Variants in PARN observed in about 807,000 individuals in gnomAD.
PARN encodes poly(A)-specific ribonuclease PARN.
Under a neutral mutation model 102.8 loss-of-function variants are expected in PARN, and 71 were observed. The observed-to-expected ratio is 0.69, with a 90% CI of 0.57 to 0.84. The LOEUF (loss-of-function observed/expected upper bound fraction) is 0.84, where lower values mean the gene tolerates loss of function less well. Ranked by LOEUF, PARN falls within the 40% of genes least tolerant of loss-of-function variation. PARN has a pLI of 0.00. For missense variants in PARN, 782 were observed against 760.9 expected, an observed-to-expected ratio of 1.03 and a Z score of -0.33; for synonymous variants, 261 against 252.9, an observed-to-expected ratio of 1.03 and a Z score of -0.30.
chr16:14,516,825 G>T (rs1465334476), intron 21 of PARN, among the ~76,000 whole-genome samples: 1 of 152,194 alleles, frequency 6.6e-6, no homozygotes, highest in Non-Finnish European at 1.5e-5. Context: ...ATGGTTATAA[G>T]CGTTAGCATA....
chr16:14,443,580 C>T (rs369075390), intron 23 of PARN, among the ~76,000 whole-genome samples: 2 of 152,176 alleles, frequency 1.3e-5, no homozygotes, highest in Non-Finnish European at 2.9e-5. Flanking sequence ...CTCAGGTGAT[C>T]TGCCCACCTC....
At chr16:14,571,454 A>G (rs1968806496) in intron 18 of PARN, among the ~76,000 whole-genome samples, 1 of 152,182 alleles carries the variant, frequency 6.6e-6, no homozygotes, top group African/African-American at 2.4e-5. Context: ...AAACAGTAAC[A>G]TATTCAATCT....
intron 5 of PARN, among the ~76,000 whole-genome samples, chr16:14,623,635 G>C (rs1972458592): frequency 6.6e-6 from 1 of 152,022 alleles, no homozygotes; most frequent in Non-Finnish European, 1.5e-5. Context: ...TCAGGAGTTT[G>C]AGACCAGCCT....
chr16:14,616,427 A>G (rs1402784338), intron 6 of PARN, among the ~76,000 whole-genome samples: 1 of 152,220 alleles, frequency 6.6e-6, no homozygotes, highest in Non-Finnish European at 1.5e-5. Context: ...ATAAGAAACT[A>G]AGAAACTGTC....
chr16:14,545,328 C>T (rs1000260522), intron 21 of PARN, among the ~76,000 whole-genome samples: 3 of 152,198 alleles, frequency 2.0e-5, no homozygotes, highest in East Asian at 3.9e-4. Flanking sequence ...GGACTGAAAT[C>T]CTATTGAAAT....
chr16:14,565,864 C>T (rs1968397375), intron 18 of PARN, among the ~76,000 whole-genome samples: 1 of 152,148 alleles, frequency 6.6e-6, no homozygotes, highest in Admixed American at 6.5e-5. Flanking sequence ...TGAGGGCTGC[C>T]TTTAGAAAAA....
In PARN at chr16:14,584,768, G is replaced by A; in HGVS notation, c.986C>T (p.Ala329Val). The A allele has an allele frequency of 6.4e-7, 1 of 1,568,394 alleles. No individual in the cohort carries two copies. The highest frequency in any genetic ancestry group is 1.4e-5 in the African/African-American group (1 of 72,458). Residue 329 changes from alanine to valine, a missense_variant, in exon 15 of 24, where the codon GCC becomes GTC. Transcript: ENST00000437198. ...FPRLLDTKLM[A>V]STQPFKDIIN... ...TAATACCTTAAAAGGTTGTGTGCTG[G>A]CCATCAATTTAGTATCCAAGAGTCT...
intron 21 of PARN, among the ~76,000 whole-genome samples, chr16:14,486,564 T>A (rs182734925): frequency 1.4e-3 from 216 of 152,326 alleles, no homozygotes; most frequent in African/African-American, 4.7e-3. Context: ...TCCCTAACCA[T>A]GGCGAGGGGA....
rs767639160 is a variant in PARN at position 14,593,289 on chromosome 16, C to A, written c.918+12G>T. The A allele has an allele frequency of 6.9e-7, 1 of 1,447,760 alleles. No homozygotes were observed. Among genetic ancestry groups the A allele is most frequent in the South Asian group, 1.1e-5 (1 of 87,366 alleles). 89.7% of individuals were successfully genotyped at this position (1,447,760 alleles called of 1,614,324 possible). Reference sequence around the variant, plus strand: ...CCTGCTAATATTAAACACAGACCAACAGGTCACTTACCGCAGGCAGAGGGC... The same window carrying A: ...CCTGCTAATATTAAACACAGACCAAAAGGTCACTTACCGCAGGCAGAGGGC... On this transcript the variant is annotated intron_variant, in intron 13 of 23. Coordinates refer to ENST00000437198, the MANE Select transcript of PARN (RefSeq NM_002582.4).
At chr16:14,591,779 T>A (rs945301344) in intron 13 of PARN, 6 of 152,182 alleles carry the variant, frequency 3.9e-5, no homozygotes, top group Admixed American at 3.9e-4. Context: ...GGCTCACACC[T>A]GTAATCCCAG....
intron 18 of PARN, among the ~76,000 whole-genome samples, chr16:14,579,968 G>C (rs1969410684): frequency 6.8e-6 from 1 of 147,660 alleles, no homozygotes; most frequent in Admixed American, 6.8e-5. Flanking sequence ...GGGTGACAGA[G>C]TGAGACACCA....
At chr16:14,597,871 T>C (rs552677039) in intron 12 of PARN, among the ~76,000 whole-genome samples, 1 of 152,246 alleles carries the variant, frequency 6.6e-6, no homozygotes, top group South Asian at 2.1e-4. Flanking sequence ...CAGCCGGGCA[T>C]GGTGGCTCAC....
At chr16:14,603,748 A>G (rs963364846) in intron 11 of PARN, among the ~76,000 whole-genome samples, 1 of 152,218 alleles carries the variant, frequency 6.6e-6, no homozygotes, top group Non-Finnish European at 1.5e-5. Flanking sequence ...GTGATGTTCC[A>G]ACAGTACAAC....
Position 14,584,765 on chromosome 16 carries a change from C to A in PARN, c.989G>T (p.Ser330Ile). ...GAATAATACCTTAAAAGGTTGTGTG[C>A]TGGCCATCAATTTAGTATCCAAGAG... ...PRLLDTKLMASTQPFKDIINN... is the reference protein window; with the variant it reads ...PRLLDTKLMAITQPFKDIINN... The change falls in exon 15 of 24, where the codon AGC becomes ATC. Residue 330 changes from serine to isoleucine, a missense_variant. Physicochemically the swap from Ser to Ile is moderately radical, Grantham distance 142. Coordinates refer to ENST00000437198, the MANE Select transcript of PARN (RefSeq NM_002582.4). 1.3e-6 allele frequency: 2 copies of A among 1,569,880 alleles called. No individual in the cohort carries two copies. The highest frequency in any genetic ancestry group is 1.7e-6 in the Non-Finnish European group (2 of 1,162,708).
intron 12 of PARN, 25 bp from the exon 13 acceptor site, chr16:14,593,403 A>C: frequency 7.7e-7 from 1 of 1,296,730 alleles, no homozygotes; most frequent in Non-Finnish European, 1.1e-6. Context: ...GGTTAGAAAA[A>C]AGACTTCTAC....
intron 18 of PARN, among the ~76,000 whole-genome samples, chr16:14,559,616 A>G (rs1334058368): frequency 1.3e-5 from 2 of 151,766 alleles, no homozygotes; most frequent in Non-Finnish European, 3.0e-5. Flanking sequence ...AAATATAGTC[A>G]CCCTGTTGTG....
intron 5 of PARN, among the ~76,000 whole-genome samples, chr16:14,625,850 G>A (rs1342575486): frequency 6.6e-6 from 1 of 152,188 alleles, no homozygotes. Flanking sequence ...TTTTTAGTGG[G>A]AGAGAAGATA....
At chr16:14,612,121 A>T (rs1971551431) in intron 6 of PARN, among the ~76,000 whole-genome samples, 1 of 152,190 alleles carries the variant, frequency 6.6e-6, no homozygotes, top group Non-Finnish European at 1.5e-5. Flanking sequence ...GAGATGAAGG[A>T]TAAAGGGAAA....
At chr16:14,479,919 C>CAAAAAA in intron 22 of PARN, among the ~76,000 whole-genome samples, 1 of 139,582 alleles carries the variant, frequency 7.2e-6, no homozygotes, top group Non-Finnish European at 1.5e-5. Context: ...AAACCTTCTA[C>CAAAAAA]CAAAAAAAAA....
Sources: allele counts gnomAD v4.1 joint callset (sites outside exome capture counted in the v4.1 genomes callset), GRCh38; gene constraint gnomAD v4.1.1; transcripts MANE v1.5; gene names NCBI Gene and HGNC (gene_info 2026-07-23, HGNC 2026-07-21).